FER: variants seen among roughly 807,000 people sequenced by gnomAD.
The protein encoded by FER is tyrosine-protein kinase Fer.
In FER, 63 loss-of-function variants were observed where a neutral mutation model predicts 111.0. The observed-to-expected ratio is 0.57, with a 90% CI of 0.46 to 0.70. The LOEUF (loss-of-function observed/expected upper bound fraction) is 0.70. FER is among the 30% of genes least tolerant of loss of function. The pLI is 0.00. For missense variants in FER, 914 were observed against 954.0 expected (o/e 0.96, Z 0.55); for synonymous variants, 327 against 313.9 (o/e 1.04, Z -0.44).
At chr5:108,909,724 G>A (rs1383836824) in intron 10 of FER, among the ~76,000 whole-genome samples, 9 of 151,366 alleles carry the variant, frequency 5.9e-5, no homozygotes, top group Non-Finnish European at 1.0e-4. Flanking sequence ...AACAATCTTC[G>A]GACAGACTAA....
intron 16 of FER, among the ~76,000 whole-genome samples, chr5:109,098,246 ATATT>A (rs1161522362): frequency 6.6e-6 from 1 of 151,892 alleles, no homozygotes; most frequent in African/African-American, 2.4e-5. Context: ...CTATTAAACA[ATATT>A]TGGTAATTTG....
chr5:108,769,387 G>C (rs944932904), intron 2 of FER, among the ~76,000 whole-genome samples: 5 of 152,010 alleles, frequency 3.3e-5, no homozygotes, highest in African/African-American at 7.2e-5. Flanking sequence ...GAATTTGAGG[G>C]ACCAAAAAAT....
rs117577673 is a variant in FER, at chr5:109,122,566, G to A, written c.2048+22047G>A. On this transcript the variant is annotated intron_variant, in intron 17 of 19. Transcript: ENST00000281092. Reference sequence around the variant, plus strand: ...TCTGCAGCCTTTGGTGAAACGTTCTGTAAATATCTATTAGGTCCAATTGGT... The same window carrying A: ...TCTGCAGCCTTTGGTGAAACGTTCTATAAATATCTATTAGGTCCAATTGGT... Among the ~76,000 whole-genome samples, 184 of 150,850 alleles carry A rather than the reference G, an allele frequency of 1.2e-3. 2 individuals are homozygous for A. The East Asian group carries it at 0.017, about 14-fold the overall frequency.
intron 13 of FER, among the ~76,000 whole-genome samples, chr5:109,031,287 C>A (rs1769571381): frequency 6.6e-6 from 1 of 152,074 alleles, no homozygotes; most frequent in Non-Finnish European, 1.5e-5. Flanking sequence ...AACCAATTCA[C>A]CCTTCTCATA....
intron 1 of FER, among the ~76,000 whole-genome samples, chr5:108,750,836 C>A (rs981011371): frequency 6.6e-6 from 1 of 152,162 alleles, no homozygotes; most frequent in African/African-American, 2.4e-5. Flanking sequence ...ATAACGATTT[C>A]AAGACCACTG....
intron 17 of FER, among the ~76,000 whole-genome samples, chr5:109,103,682 T>C (rs1748537744): frequency 6.6e-6 from 1 of 152,214 alleles, no homozygotes; most frequent in Non-Finnish European, 1.5e-5. Flanking sequence ...TCTTTCCTAC[T>C]TGTACTTTAT....
rs557069654 is a variant in FER, at chr5:108,836,842, C to G, written c.481+1035C>G. Among the ~76,000 whole-genome samples, 5 of 152,050 alleles carry G rather than the reference C, an allele frequency of 3.3e-5. No individual in the cohort carries two copies. The South Asian group carries it at 1.0e-3, about 32-fold the overall frequency. ...CTTCTTCCTTCCTCTCCCTTGGACT[C>G]CCTGTTTGTCCCCCTTCTCTCTCTT... is the stretch of plus-strand genomic sequence containing the variant. On this transcript the variant is annotated intron_variant, in intron 5 of 19. Transcript: ENST00000281092.
intron 13 of FER, among the ~76,000 whole-genome samples, chr5:108,988,481 A>G (rs2149740023): frequency 6.6e-6 from 1 of 152,184 alleles, no homozygotes; most frequent in South Asian, 2.1e-4. Context: ...TGATCTGCTC[A>G]GAGTTTCTGT....
chr5:108,971,715 A>G (rs966000626), intron 13 of FER, among the ~76,000 whole-genome samples: 1 of 152,096 alleles, frequency 6.6e-6, no homozygotes, highest in Non-Finnish European at 1.5e-5. Flanking sequence ...CCTATTTTCA[A>G]TTTTTCCTGA....
At chr5:109,174,957 C>T (rs993979085) in intron 17 of FER, among the ~76,000 whole-genome samples, 2 of 152,160 alleles carry the variant, frequency 1.3e-5, no homozygotes, top group African/African-American at 4.8e-5. Context: ...GATTAGCTTC[C>T]TGGGCTTCAG....
chr5:109,124,989 T>A lies in FER; in HGVS notation c.2048+24470T>A, dbSNP rs571221594. 4.2e-5 allele frequency among the ~76,000 whole-genome samples: 6 copies of A among 141,752 alleles called. No homozygotes were observed. In the South Asian group the frequency reaches 8.7e-4, roughly 21 times the overall value. The allele number at this position is 141,752 out of a possible 152,430, so 93.0% of individuals were successfully genotyped here. ...TGAACCCAGGAGGCAGAGCTTGCAG[T>A]GAGCCGAGATTGCACCACTGCACTC... is the stretch of plus-strand genomic sequence containing the variant. On this transcript the variant is annotated intron_variant, in intron 17 of 19. Coordinates refer to ENST00000281092, the MANE Select transcript of FER (RefSeq NM_005246.4).
chr5:108,976,810 G>T (rs1035009723), intron 13 of FER, among the ~76,000 whole-genome samples: 3 of 152,162 alleles, frequency 2.0e-5, no homozygotes, highest in Non-Finnish European at 4.4e-5. Flanking sequence ...TGATCTCTCT[G>T]ACATGGTGGG....
chr5:109,092,196 A>G (rs752836890), intron 16 of FER, among the ~76,000 whole-genome samples: 36 of 150,876 alleles, frequency 2.4e-4, no homozygotes, highest in Admixed American at 6.6e-4. Flanking sequence ...TGATTGGACA[A>G]TGATATTTGG....
chr5:108,923,209 T>C (rs1053738256), intron 10 of FER, among the ~76,000 whole-genome samples: 2 of 152,030 alleles, frequency 1.3e-5, no homozygotes, highest in Non-Finnish European at 2.9e-5. Flanking sequence ...TTTATAAAAT[T>C]ATTCTCAGTG....
At chr5:109,146,253 A>ATATATATATATATAT (rs1491409370) in intron 17 of FER, among the ~76,000 whole-genome samples, 2 of 42,128 alleles carry the variant, frequency 4.7e-5, no homozygotes, top group African/African-American at 1.8e-4. Context: ...TAATCTATCT[A>ATATATATATATATAT]ATATATATAT....
At chr5:108,974,890 A>G (rs1439097015) in intron 13 of FER, among the ~76,000 whole-genome samples, 1 of 152,194 alleles carries the variant, frequency 6.6e-6, no homozygotes, top group African/African-American at 2.4e-5. Flanking sequence ...TAGCCCCAAG[A>G]GACTCATTCT....
At position 108,798,400 on chromosome 5, in the gene FER, T is replaced by C. The variant is rs781356787; in HGVS notation, c.207+11T>C. The C allele has an allele frequency of 5.0e-6, 8 of 1,587,804 alleles. No individual in the cohort carries two copies. Among genetic ancestry groups the C allele is most frequent in the Non-Finnish European group, 5.2e-6 (6 of 1,158,446 alleles). ...AGCAACGTATCCAAGGTAAGAAGAA[T>C]AATTTCACTCTTTGTTATTTATAAC... is the stretch of plus-strand genomic sequence containing the variant. On this transcript the variant is annotated intron_variant, in intron 3 of 19. Coordinates refer to ENST00000281092, the MANE Select transcript of FER (RefSeq NM_005246.4).
chr5:109,051,985 C>T (rs1460492792), intron 16 of FER: 1 of 1,586,740 alleles, frequency 6.3e-7, no homozygotes. Flanking sequence ...GAAGAGGATA[C>T]TGATGATGTA....
At chr5:108,871,295 A>G in intron 6 of FER, 70 bp from the exon 7 acceptor site, 1 of 1,290,228 alleles carries the variant, frequency 7.8e-7, no homozygotes, top group Non-Finnish European at 1.1e-6. Flanking sequence ...TATTGTTCTG[A>G]ATCCTTTTTG....
Sources: allele counts gnomAD v4.1 joint callset (sites outside exome capture counted in the v4.1 genomes callset), GRCh38; gene constraint gnomAD v4.1.1; transcripts MANE v1.5; gene names NCBI Gene and HGNC (gene_info 2026-07-23, HGNC 2026-07-21).